Variants in CRISPLD1 observed in about 807,000 individuals in gnomAD.
CRISPLD1 encodes the protein cysteine rich secretory protein LCCL domain containing 1.
In CRISPLD1, 60 loss-of-function variants were observed where a neutral mutation model predicts 77.5. That is an observed-to-expected ratio of 0.77 (90% CI 0.63 to 0.96). The LOEUF is 0.96. Among genes scored for constraint, CRISPLD1 ranks in the 40% least tolerant of loss-of-function variants. The probability of loss-of-function intolerance (pLI) is 0.00; values close to 1 mark genes in which losing one functional copy is unlikely to be tolerated. For synonymous variants in CRISPLD1, 195 were observed against 200.1 expected (o/e 0.97, Z 0.22); for missense variants, 623 against 615.8 (o/e 1.01, Z -0.12).
intron 2 of CRISPLD1, among the ~76,000 whole-genome samples, chr8:75,009,439 G>A (rs1812891328): frequency 6.6e-6 from 1 of 152,110 alleles, no homozygotes; most frequent in Non-Finnish European, 1.5e-5. Context: ...TTCAAGGGAA[G>A]AGGGGGGAAT....
chr8:75,031,057 A>G (rs1004294288), intron 14 of CRISPLD1, among the ~76,000 whole-genome samples: 1 of 152,014 alleles, frequency 6.6e-6, no homozygotes, highest in Non-Finnish European at 1.5e-5. Context: ...TTAACTGTGT[A>G]CAAAAAGGAA....
intron 2 of CRISPLD1, among the ~76,000 whole-genome samples, chr8:74,989,511 A>G (rs533126150): frequency 3.4e-4 from 51 of 151,256 alleles, no homozygotes; most frequent in African/African-American, 1.2e-3. Context: ...GAAAGAATAT[A>G]AACCTTATAT....
intron 12 of CRISPLD1, among the ~76,000 whole-genome samples, chr8:75,024,695 A>T (rs1213418695): frequency 6.6e-6 from 1 of 152,176 alleles, no homozygotes; most frequent in Non-Finnish European, 1.5e-5. Context: ...GGGAGACCAT[A>T]GAAGAAGCAT....
intron 2 of CRISPLD1, among the ~76,000 whole-genome samples, chr8:75,005,213 C>A (rs1008992946): frequency 4.6e-5 from 7 of 151,992 alleles, no homozygotes; most frequent in African/African-American, 1.7e-4. Flanking sequence ...TATTTTACAG[C>A]TAATTCTTAT....
At chr8:75,024,090 C>T in intron 12 of CRISPLD1, among the ~76,000 whole-genome samples, 1 of 152,106 alleles carries the variant, frequency 6.6e-6, no homozygotes, top group African/African-American at 2.4e-5. Context: ...AATGCAAAGG[C>T]TCTAAGGCAG....
rs1305780100 is a variant in CRISPLD1, at chr8:75,014,822, T to G, written c.637T>G (p.Trp213Gly). ...TATCATCTCTTAAAGGGGAAACTGG[T>G]GGGGCCATGCCCCTTACAAACATGG... The part of the protein sequence containing the change: ...VCNYSPKGNW[W>G]GHAPYKHGRP... The change falls in exon 6 of 15, where the codon TGG (tryptophan) becomes GGG (glycine). Residue 213 changes from tryptophan to glycine, a missense_variant. Coordinates refer to ENST00000262207, the MANE Select transcript of CRISPLD1 (RefSeq NM_031461.6). The G allele has an allele frequency of 6.2e-7, 1 of 1,600,142 alleles. No homozygotes were observed. Among genetic ancestry groups the G allele is most frequent in the Admixed American group, 1.8e-5 (1 of 57,014 alleles).
At chr8:74,995,978 A>G (rs1812640579) in intron 2 of CRISPLD1, among the ~76,000 whole-genome samples, 1 of 151,270 alleles carries the variant, frequency 6.6e-6, no homozygotes, top group African/African-American at 2.4e-5. Flanking sequence ...CATATTTTTA[A>G]TGATTTTTAC....
chr8:75,030,882 A>G (rs1813330909), intron 14 of CRISPLD1, among the ~76,000 whole-genome samples: 1 of 152,024 alleles, frequency 6.6e-6, no homozygotes, highest in Non-Finnish European at 1.5e-5. Flanking sequence ...AGATACGTAT[A>G]TACACTTCTA....
chr8:75,020,782 T>A (rs771822274), intron 12 of CRISPLD1, among the ~76,000 whole-genome samples: 1 of 152,172 alleles, frequency 6.6e-6, no homozygotes, highest in Non-Finnish European at 1.5e-5. Flanking sequence ...TTAAATTAGA[T>A]CAATCTGATT....
intron 12 of CRISPLD1, among the ~76,000 whole-genome samples, chr8:75,025,183 G>A (rs934138008): frequency 6.6e-6 from 1 of 152,190 alleles, no homozygotes; most frequent in Non-Finnish European, 1.5e-5. Context: ...TCTATGAGAT[G>A]TATGAGGCAG....
chr8:75,013,153 G>C (rs1812964478), intron 4 of CRISPLD1, 131 bp downstream of exon 4: 3 of 651,840 alleles, frequency 4.6e-6, no homozygotes, highest in Non-Finnish European at 6.8e-6. Context: ...TATTGATTAT[G>C]TTGAATTGGC....
intron 2 of CRISPLD1, among the ~76,000 whole-genome samples, chr8:74,987,483 T>C (rs1031158130): frequency 6.6e-6 from 1 of 152,212 alleles, no homozygotes; most frequent in Non-Finnish European, 1.5e-5. Flanking sequence ...TTTAGCTCAT[T>C]AGCAAACATA....
intron 10 of CRISPLD1, 89 bp from the exon 11 acceptor site, chr8:75,019,781 A>G: frequency 1.0e-6 from 1 of 969,398 alleles, no homozygotes; most frequent in Non-Finnish European, 1.6e-6. Context: ...AAGAAAATTA[A>G]GTGTTCATAG....
chr8:75,017,040 T>G lies in CRISPLD1; in HGVS notation c.930-7T>G. Reference sequence around the variant, plus strand: ...ACTAAATTTTGTGCCCAATTACTTTTATTTAGGTACGAATGTCCTGCTGGC... The same window carrying G: ...ACTAAATTTTGTGCCCAATTACTTTGATTTAGGTACGAATGTCCTGCTGGC... On this transcript the variant is annotated splice_polypyrimidine_tract_variant and splice_region_variant and intron_variant, in intron 8 of 14. Coordinates refer to ENST00000262207, the MANE Select transcript of CRISPLD1 (RefSeq NM_031461.6). The G allele has an allele frequency of 6.2e-7, 1 of 1,609,536 alleles. No individual in the cohort carries two copies. Among genetic ancestry groups the G allele is most frequent in the Non-Finnish European group, 8.5e-7 (1 of 1,177,586 alleles).
intron 2 of CRISPLD1, among the ~76,000 whole-genome samples, chr8:74,998,784 A>G (rs1812686828): frequency 6.6e-6 from 1 of 151,668 alleles, no homozygotes; most frequent in Admixed American, 6.6e-5. Context: ...TCAGAGATTT[A>G]AAGTAGTGGT....
chr8:74,994,103 ATACT>A (rs1212738757), intron 2 of CRISPLD1, among the ~76,000 whole-genome samples: 1 of 152,208 alleles, frequency 6.6e-6, no homozygotes, highest in Non-Finnish European at 1.5e-5. Flanking sequence ...TGTTGAGAAC[ATACT>A]TTAGGCAGTG....
rs16939014 is a variant in CRISPLD1 at position 74,999,004 on chromosome 8, G to A, written c.258+12759G>A. Among the ~76,000 whole-genome samples the A allele has an allele frequency of 9.6e-3, 1,464 of 152,084 alleles. 10 individuals are homozygous for A. The highest frequency in any genetic ancestry group is 0.042 in the East Asian group (217 of 5,168). On this transcript the variant is annotated intron_variant, in intron 2 of 14. Coordinates refer to ENST00000262207, the MANE Select transcript of CRISPLD1 (RefSeq NM_031461.6). ...GATACATACCAAATAGCATGTTTGG[G>A]GCTCATATTGCAGATTGAATGCTAA...
At chr8:74,998,195 G>A (rs1325591004) in intron 2 of CRISPLD1, among the ~76,000 whole-genome samples, 1 of 152,152 alleles carries the variant, frequency 6.6e-6, no homozygotes, top group Admixed American at 6.5e-5. Context: ...TTATGTGAAA[G>A]CTTCTCTTTT....
At position 75,014,843 on chromosome 8, in the gene CRISPLD1, C is replaced by T. The variant is rs1452419625; in HGVS notation, c.658C>T (p.His220Tyr). 4.4e-6 allele frequency: 7 copies of T among 1,591,512 alleles called. No homozygotes were observed. Among genetic ancestry groups the T allele is most frequent in the Middle Eastern group, 1.7e-4 (1 of 5,974 alleles). The stretch of plus-strand genomic sequence containing the variant: ...CTGGTGGGGCCATGCCCCTTACAAA[C>T]ATGGGCGGCCCTGTTCTGCTTGCCC... ...GNWWGHAPYK[H>Y]GRPCSACPPS... Residue 220 changes from histidine (H) to tyrosine (Y), a missense_variant, in exon 6 of 15, where the codon CAT becomes TAT. His to Tyr is a moderately conservative substitution (Grantham distance 83, BLOSUM62 2). Transcript: ENST00000262207.
Sources: allele counts gnomAD v4.1 joint callset (sites outside exome capture counted in the v4.1 genomes callset), GRCh38; gene constraint gnomAD v4.1.1; transcripts MANE v1.5; gene names NCBI Gene and HGNC (gene_info 2026-07-23, HGNC 2026-07-21).